The following IMMP2L variants were observed in gnomAD, a reference collection of about 807,000 sequenced individuals.
The protein encoded by IMMP2L is inner mitochondrial membrane peptidase subunit 2.
Under a neutral mutation model 19.3 loss-of-function variants are expected in IMMP2L, and 18 were observed. The ratio of observed to expected loss-of-function variants is 0.93; its 90% CI spans 0.64 to 1.38. IMMP2L has a LOEUF of 1.38. Ranked by LOEUF, IMMP2L falls within the 40% of genes most tolerant of loss-of-function variation. IMMP2L has a pLI of 0.00. For missense variants in IMMP2L, 233 were observed against 218.2 expected (o/e 1.07, Z -0.43); for synonymous variants, 76 against 73.0 (o/e 1.04, Z -0.21).
intron 3 of IMMP2L, among the ~76,000 whole-genome samples, chr7:111,039,932 G>A (rs1284434821): frequency 4.6e-5 from 7 of 152,248 alleles, no homozygotes; most frequent in East Asian, 1.9e-4. Context: ...TTGGGAGGCC[G>A]AGGCGGGTGG....
intron 3 of IMMP2L, among the ~76,000 whole-genome samples, chr7:110,974,722 T>C (rs948362418): frequency 6.6e-6 from 1 of 152,150 alleles, no homozygotes; most frequent in Non-Finnish European, 1.5e-5. Flanking sequence ...ATCCAAGAAA[T>C]GTTCCAGGTC....
intron 3 of IMMP2L, among the ~76,000 whole-genome samples, chr7:111,115,751 AC>A (rs1483811196): frequency 2.0e-5 from 3 of 152,050 alleles, no homozygotes; most frequent in African/African-American, 7.2e-5. Context: ...CACTGCAGCC[AC>A]CGCCTCCCAG....
chr7:110,856,247 AG>A (rs1806752549), intron 5 of IMMP2L, among the ~76,000 whole-genome samples: 1 of 152,000 alleles, frequency 6.6e-6, no homozygotes, highest in Admixed American at 6.6e-5. Context: ...GGCAGTTTAA[AG>A]CTCTTAGTTT....
intron 3 of IMMP2L, among the ~76,000 whole-genome samples, chr7:111,459,714 A>G (rs908868211): frequency 2.6e-5 from 4 of 152,112 alleles, no homozygotes; most frequent in Admixed American, 1.3e-4. Context: ...TTACTATTAT[A>G]TATCATCGAT....
chr7:111,139,026 T>C (rs1029035344), intron 3 of IMMP2L, among the ~76,000 whole-genome samples: 1 of 152,154 alleles, frequency 6.6e-6, no homozygotes, highest in Non-Finnish European at 1.5e-5. Context: ...ATCATCTCTA[T>C]TGATCCCTTT....
At chr7:111,360,667 A>C (rs889992522) in intron 3 of IMMP2L, among the ~76,000 whole-genome samples, 3 of 152,066 alleles carry the variant, frequency 2.0e-5, no homozygotes, top group Non-Finnish European at 4.4e-5. Flanking sequence ...AAAATAAAAA[A>C]ATTAGTCAAG....
chr7:111,406,942 G>GTA (rs893605543), intron 3 of IMMP2L, among the ~76,000 whole-genome samples: 9 of 151,958 alleles, frequency 5.9e-5, no homozygotes, highest in African/African-American at 2.2e-4. Flanking sequence ...TCTGCAGTGG[G>GTA]TATAGTTTTT....
intron 3 of IMMP2L, among the ~76,000 whole-genome samples, chr7:111,160,326 C>T (rs6466373): frequency 6.6e-6 from 1 of 151,838 alleles, no homozygotes; most frequent in Non-Finnish European, 1.5e-5. Context: ...GGATAAATCC[C>T]ACTAACAAAC....
At chr7:110,722,905 T>G in intron 5 of IMMP2L, among the ~76,000 whole-genome samples, 1 of 152,130 alleles carries the variant, frequency 6.6e-6, no homozygotes, top group East Asian at 1.9e-4. Context: ...TTCATTTTCA[T>G]GCTTCTCAGA....
chr7:110,948,185 T>A (rs189456357), intron 4 of IMMP2L, among the ~76,000 whole-genome samples: 5 of 152,282 alleles, frequency 3.3e-5, no homozygotes, highest in East Asian at 3.9e-4. Flanking sequence ...ATACTTTTTT[T>A]AAAAAATAGA....
chr7:111,462,163 A>G (rs114727253), intron 3 of IMMP2L, among the ~76,000 whole-genome samples: 2,482 of 152,110 alleles, frequency 0.016, 65 homozygotes, highest in African/African-American at 0.057. Context: ...GACTCAAAGT[A>G]TAACCAGTAA....
At chr7:111,401,375 G>C (rs536340359) in intron 3 of IMMP2L, among the ~76,000 whole-genome samples, 2 of 152,086 alleles carry the variant, frequency 1.3e-5, no homozygotes, top group African/African-American at 2.4e-5. Flanking sequence ...GATTAAGACA[G>C]ACCTGTGCTT....
chr7:111,158,551 C>T (rs1376724010), intron 3 of IMMP2L, among the ~76,000 whole-genome samples: 1 of 152,034 alleles, frequency 6.6e-6, no homozygotes, highest in African/African-American at 2.4e-5. Context: ...AACTTTCATC[C>T]AAAACTCTAG....
intron 5 of IMMP2L, among the ~76,000 whole-genome samples, chr7:110,676,155 T>A (rs926002626): frequency 6.6e-6 from 1 of 152,224 alleles, no homozygotes; most frequent in Non-Finnish European, 1.5e-5. Flanking sequence ...CACCATAAGG[T>A]ACTGTTTCTT....
chr7:110,813,390 G>C (rs890430407), intron 5 of IMMP2L, among the ~76,000 whole-genome samples: 1 of 151,420 alleles, frequency 6.6e-6, no homozygotes, highest in Admixed American at 6.6e-5. Context: ...ATTGTCTGTG[G>C]GTTAAGAATT....
intron 1 of IMMP2L, among the ~76,000 whole-genome samples, chr7:111,534,931 A>G (rs913073520): frequency 2.6e-5 from 4 of 152,194 alleles, no homozygotes; most frequent in Non-Finnish European, 4.4e-5. Flanking sequence ...AACTTTGATG[A>G]AATTGGTCTG....
chr7:111,195,623 A>G (rs558857637), intron 3 of IMMP2L, among the ~76,000 whole-genome samples: 217 of 152,248 alleles, frequency 1.4e-3, no homozygotes, highest in Non-Finnish European at 2.7e-3. Flanking sequence ...TTACGGACTG[A>G]GTCTGTCTTC....
At chr7:110,772,905 G>A (rs1799129900) in intron 5 of IMMP2L, among the ~76,000 whole-genome samples, 1 of 151,922 alleles carries the variant, frequency 6.6e-6, no homozygotes, top group Non-Finnish European at 1.5e-5. Flanking sequence ...CTGTGCAAAG[G>A]AACACTCCAG....
At chr7:110,991,879 C>G (rs1158449454) in intron 3 of IMMP2L, among the ~76,000 whole-genome samples, 2 of 152,152 alleles carry the variant, frequency 1.3e-5, no homozygotes, top group African/African-American at 4.8e-5. Flanking sequence ...CTACTCGACT[C>G]CAAATTTAGA....
Sources: gnomAD v4.1 joint callset for allele counts (sites outside exome capture counted in the v4.1 genomes callset) on GRCh38, gnomAD v4.1.1 for gene constraint, MANE v1.5 for transcripts, NCBI Gene and HGNC (gene_info 2026-07-23, HGNC 2026-07-21) for gene names.